The following AP1S3 variants were observed in gnomAD, a reference collection of about 807,000 sequenced individuals.
AP1S3 encodes AP-1 complex subunit sigma-3.
A neutral mutation model predicts 20.9 loss-of-function variants in AP1S3; 10 were observed. The observed-to-expected ratio is 0.48, with a 90% CI of 0.29 to 0.81. The LOEUF (loss-of-function observed/expected upper bound fraction) is 0.81. Among genes scored for constraint, AP1S3 ranks in the 30% least tolerant of loss-of-function variants. The probability of loss-of-function intolerance (pLI) is 0.08; values close to 1 mark genes in which losing one functional copy is unlikely to be tolerated. For missense variants in AP1S3, 154 were observed against 183.8 expected (o/e 0.84, Z 0.94); for synonymous variants, 41 against 61.5 (o/e 0.67, Z 1.56).
At chr2:223,775,821 G>C (rs1690769974) in intron 3 of AP1S3, 80 bp downstream of exon 3, 3 of 1,005,382 alleles carry the variant, frequency 3.0e-6, no homozygotes, top group Non-Finnish European at 4.6e-6. Context: ...CAGAGAGAAG[G>C]GATGTGACCA....
chr2:223,773,318 G>C (rs566838451), intron 3 of AP1S3: 2 of 1,304,054 alleles, frequency 1.5e-6, no homozygotes, highest in East Asian at 5.5e-5. Flanking sequence ...CAGACCTCAA[G>C]GAAACTTCTT....
intron 3 of AP1S3, among the ~76,000 whole-genome samples, chr2:223,767,693 A>C (rs1015473441): frequency 1.3e-4 from 20 of 151,960 alleles, no homozygotes; most frequent in Non-Finnish European, 1.5e-5. Flanking sequence ...AGACATCTTT[A>C]CCTACCTATT....
At chr2:223,802,563 C>T (rs1393152950) in intron 1 of AP1S3, among the ~76,000 whole-genome samples, 1 of 152,134 alleles carries the variant, frequency 6.6e-6, no homozygotes, top group Non-Finnish European at 1.5e-5. Context: ...CCTCAGCCTC[C>T]CAAAGTGCTG....
chr2:223,810,638 C>A (rs1460785931), intron 1 of AP1S3, among the ~76,000 whole-genome samples: 2 of 152,074 alleles, frequency 1.3e-5, no homozygotes, highest in Non-Finnish European at 2.9e-5. Flanking sequence ...ATATATTACT[C>A]TTCAGTTTGC....
At chr2:223,760,130 A>T (rs1204610051) in intron 4 of AP1S3, among the ~76,000 whole-genome samples, 1 of 151,992 alleles carries the variant, frequency 6.6e-6, no homozygotes, top group Non-Finnish European at 1.5e-5. Flanking sequence ...TCTCTTGCAC[A>T]CTCTCCTACT....
chr2:223,837,451 C>T lies in AP1S3; in HGVS notation c.-1G>A. ...CCGGCGGTTCCCCCGCACTCACCAT[C>T]GTGGCTGGGCCGCCGCCTCCCCCGC... On this transcript the variant is annotated 5_prime_UTR_variant, in exon 1 of 5. Coordinates refer to ENST00000396654, the MANE Select transcript of AP1S3 (RefSeq NM_001039569.2). 7.8e-7 allele frequency: 1 copy of T among 1,277,680 alleles called. No individual in the cohort carries two copies. Among genetic ancestry groups the T allele is most frequent in the Non-Finnish European group, 9.9e-7 (1 of 1,010,088 alleles). 79.1% of individuals were successfully genotyped at this position (1,277,680 alleles called of 1,614,324 possible).
At chr2:223,785,963 T>C (rs920458405) in intron 1 of AP1S3, among the ~76,000 whole-genome samples, 1 of 152,188 alleles carries the variant, frequency 6.6e-6, no homozygotes, top group Admixed American at 6.5e-5. Context: ...AATAAATTAA[T>C]TACAGAGAGG....
intron 1 of AP1S3, among the ~76,000 whole-genome samples, chr2:223,829,893 G>A (rs550534116): frequency 1.1e-3 from 168 of 151,896 alleles, no homozygotes; most frequent in Non-Finnish European, 1.9e-3. Flanking sequence ...TGTCTTGTCC[G>A]TGGCACTTTC....
intron 1 of AP1S3, among the ~76,000 whole-genome samples, chr2:223,781,396 ATT>A (rs903934493): frequency 6.8e-6 from 1 of 146,946 alleles, no homozygotes; most frequent in Non-Finnish European, 1.5e-5. Context: ...TTAACACAGC[ATT>A]TTTTTTTTTA....
At chr2:223,786,520 G>T (rs768805217) in intron 1 of AP1S3, among the ~76,000 whole-genome samples, 4 of 151,948 alleles carry the variant, frequency 2.6e-5, no homozygotes, top group Non-Finnish European at 4.4e-5. Context: ...TTGGGAAGCT[G>T]AGACAGGAAG....
At chr2:223,760,282 A>T (rs1336279239) in intron 4 of AP1S3, among the ~76,000 whole-genome samples, 1 of 152,218 alleles carries the variant, frequency 6.6e-6, no homozygotes, top group African/African-American at 2.4e-5. Context: ...TCTTAAGCTT[A>T]AACTCCAGGG....
At chr2:223,786,183 A>G (rs1691068905) in intron 1 of AP1S3, among the ~76,000 whole-genome samples, 1 of 152,242 alleles carries the variant, frequency 6.6e-6, no homozygotes, top group South Asian at 2.1e-4. Flanking sequence ...TAGCTACACA[A>G]CTAAGATGAC....
intron 1 of AP1S3, among the ~76,000 whole-genome samples, chr2:223,799,208 GACACACACACACACAC>G (rs10527751): frequency 0.08 from 11,713 of 145,954 alleles, 699 homozygotes; most frequent in East Asian, 0.28. Context: ...TTCGGGCCTA[GACACACACACACACAC>G]ACACACACAC....
At position 223,775,976 on chromosome 2, in the gene AP1S3, T is replaced by G. The variant is rs758337126; in HGVS notation, c.216A>C (p.Glu72Asp). 1.2e-6 allele frequency: 2 copies of G among 1,614,018 alleles called. No individual in the cohort carries two copies. Among genetic ancestry groups the G allele is most frequent in the African/African-American group, 2.7e-5 (2 of 74,926 alleles). ...YASLYFCCAI[E>D]NQDNELLTLE... ...GCGTCAAGAGCTCATTGTCCTGATT[T>G]TCTATTGCACAGCAAAAATATAAAC... is the stretch of plus-strand genomic sequence containing the variant. The change falls in exon 3 of 5, where the codon GAA becomes GAC. Residue 72 changes from glutamate to aspartate, a missense_variant. Glu to Asp is a conservative substitution (Grantham distance 45). Coordinates refer to ENST00000396654, the MANE Select transcript of AP1S3 (RefSeq NM_001039569.2).
chr2:223,813,170 C>T (rs1691773367), intron 1 of AP1S3, among the ~76,000 whole-genome samples: 1 of 152,100 alleles, frequency 6.6e-6, no homozygotes, highest in African/African-American at 2.4e-5. Flanking sequence ...TGGTCTCAAA[C>T]TCCTAACCTC....
chr2:223,788,673 AGAAC>A (rs1691132838), intron 1 of AP1S3, among the ~76,000 whole-genome samples: 1 of 150,560 alleles, frequency 6.6e-6, no homozygotes, highest in Non-Finnish European at 1.5e-5. Flanking sequence ...CTGAGGCAGG[AGAAC>A]TGCTTGAACC....
intron 4 of AP1S3, among the ~76,000 whole-genome samples, chr2:223,760,881 A>G (rs1015485686): frequency 4.6e-5 from 7 of 152,294 alleles, no homozygotes; most frequent in Admixed American, 2.0e-4. Flanking sequence ...TTATTTTTGC[A>G]AAGTGGACAA....
At chr2:223,837,348 C>T in intron 1 of AP1S3, 100 bp downstream of exon 1, 1 of 595,416 alleles carries the variant, frequency 1.7e-6, no homozygotes, top group Non-Finnish European at 2.4e-6. Context: ...TCGGCCCGCA[C>T]CCCCACCCGG....
At chr2:223,775,680 A>T (rs1690766928) in intron 3 of AP1S3, among the ~76,000 whole-genome samples, 2 of 152,304 alleles carry the variant, frequency 1.3e-5, no homozygotes, top group South Asian at 4.1e-4. Context: ...ATATCTATTT[A>T]AAAAGAAAAA....
Sources: allele counts gnomAD v4.1 joint callset (sites outside exome capture counted in the v4.1 genomes callset), GRCh38; gene constraint gnomAD v4.1.1; transcripts MANE v1.5; gene names NCBI Gene and HGNC (gene_info 2026-07-23, HGNC 2026-07-21).